The following LINGO2 variants were observed in gnomAD, a reference collection of about 807,000 sequenced individuals.
LINGO2 encodes the protein leucine-rich repeat and immunoglobulin-like domain-containing nogo receptor-interacting protein 2.
A neutral mutation model predicts 30.6 loss-of-function variants in LINGO2; 14 were observed. The ratio of observed to expected loss-of-function variants is 0.46; its 90% CI spans 0.30 to 0.72. The LOEUF is 0.72. Ranked by LOEUF, LINGO2 falls within the 30% of genes least tolerant of loss-of-function variation. The pLI, the probability that LINGO2 is intolerant of heterozygous loss-of-function variation, is 0.07. For missense variants in LINGO2, 729 were observed against 751.7 expected (o/e 0.97, Z 0.35); for synonymous variants, 317 against 288.5 (o/e 1.10, Z -1.00).
In LINGO2 at chr9:28,274,052, T is replaced by C. The variant is rs537784835; in HGVS notation, c.-87+21156A>G. ...CCAGAAGAAGAGAAGATGGGGAGAA[T>C]TGGATATATTTGAGAGCTAAAATGG... On this transcript the variant is annotated intron_variant, in intron 4 of 5. Coordinates refer to ENST00000379992, the Ensembl canonical transcript of LINGO2. 2.3e-4 allele frequency among the ~76,000 whole-genome samples: 35 copies of C among 152,218 alleles called. No individual in the cohort carries two copies. In the East Asian group the frequency reaches 2.7e-3, roughly 12 times the overall value.
intron 4 of LINGO2, among the ~76,000 whole-genome samples, chr9:28,199,542 G>A (rs1820151248): frequency 6.6e-6 from 1 of 152,062 alleles, no homozygotes; most frequent in Admixed American, 6.6e-5. Context: ...GTTTCACCGT[G>A]TTAGCCAGGA....
intron 4 of LINGO2, among the ~76,000 whole-genome samples, chr9:28,087,775 T>C (rs1329610500): frequency 6.6e-6 from 1 of 152,040 alleles, no homozygotes; most frequent in African/African-American, 2.4e-5. Flanking sequence ...AGCATTTCAT[T>C]GGTACATATT....
the LINGO2 span, among the ~76,000 whole-genome samples, chr9:29,047,142 T>C: frequency 6.6e-6 from 1 of 151,428 alleles, no homozygotes; most frequent in East Asian, 1.9e-4. Context: ...TAGCAACCTA[T>C]GCATCCCCTA....
chr9:29,071,482 CATATAT>C, the LINGO2 span, among the ~76,000 whole-genome samples: 2,448 of 120,808 alleles, frequency 0.02, 24 homozygotes, highest in South Asian at 0.034. Flanking sequence ...ATTAACTGGT[CATATAT>C]ATATATATAT....
intron 1 of LINGO2, among the ~76,000 whole-genome samples, chr9:28,626,097 C>T (rs7861296): frequency 0.093 from 14,201 of 152,124 alleles, 873 homozygotes; most frequent in East Asian, 0.19. Context: ...TATTCTCATT[C>T]TTTTAAATTG....
intron 3 of LINGO2, among the ~76,000 whole-genome samples, chr9:28,359,338 T>C (rs1364158351): frequency 6.6e-6 from 1 of 152,118 alleles, no homozygotes; most frequent in Non-Finnish European, 1.5e-5. Flanking sequence ...GACTCTCTAC[T>C]TCTATACAGC....
the LINGO2 span, among the ~76,000 whole-genome samples, chr9:28,892,864 TA>T: frequency 4.8e-4 from 73 of 152,106 alleles, 1 homozygote; most frequent in African/African-American, 1.7e-3. Context: ...AAACTTAAAT[TA>T]TTTTTTTAGA....
intron 1 of LINGO2, among the ~76,000 whole-genome samples, chr9:28,656,940 C>T (rs772272464): frequency 3.9e-5 from 6 of 152,038 alleles, no homozygotes; most frequent in East Asian, 3.8e-4. Flanking sequence ...AATAACTCTG[C>T]GGATAGATCA....
At chr9:28,694,759 A>T in the LINGO2 span, among the ~76,000 whole-genome samples, 3 of 151,966 alleles carry the variant, frequency 2.0e-5, no homozygotes. Context: ...CACTGAATTA[A>T]TTGTGTGGGG....
At chr9:28,801,450 C>T in the LINGO2 span, among the ~76,000 whole-genome samples, 6 of 152,116 alleles carry the variant, frequency 3.9e-5, no homozygotes, top group East Asian at 1.2e-3. Flanking sequence ...AGTCTCTACT[C>T]ATTTCTATCA....
intron 4 of LINGO2, among the ~76,000 whole-genome samples, chr9:28,071,206 T>A (rs1825465349): frequency 6.6e-6 from 1 of 152,164 alleles, no homozygotes; most frequent in Non-Finnish European, 1.5e-5. Context: ...GCCTTGGGGT[T>A]GAGGTGGGGC....
rs544879352 is a variant in LINGO2, at chr9:28,422,953, T to C, written c.-278-50085A>G. 3.3e-5 allele frequency among the ~76,000 whole-genome samples: 5 copies of C among 152,162 alleles called. No homozygotes were observed. In the South Asian group the frequency reaches 1.0e-3, roughly 32 times the overall value. On this transcript the variant is annotated intron_variant, in intron 2 of 5. Transcript: ENST00000379992. Reference sequence around the variant, plus strand: ...AGGACAAATACCTTATAATTCCACTTATTATCAGGTACCTAGAATAGTCAA... The same window carrying C: ...AGGACAAATACCTTATAATTCCACTCATTATCAGGTACCTAGAATAGTCAA...
rs542760803 is a variant in LINGO2 at position 28,146,648 on chromosome 9, A to G, written c.-86-134243T>C. ...CCAATAACAAGATGTAGAGTGCCCAAATGGTTTTTCATACATGTTTCCCTA... is the reference window on the plus strand; with the variant it reads ...CCAATAACAAGATGTAGAGTGCCCAGATGGTTTTTCATACATGTTTCCCTA... On this transcript the variant is annotated intron_variant, in intron 4 of 5. Transcript: ENST00000379992. 4.5e-4 allele frequency among the ~76,000 whole-genome samples: 68 copies of G among 152,238 alleles called. 1 individual carries two copies. The highest frequency in any genetic ancestry group is 1.6e-3 in the African/African-American group (65 of 41,552).
At chr9:28,654,425 G>C (rs563588625) in intron 1 of LINGO2, among the ~76,000 whole-genome samples, 1 of 151,852 alleles carries the variant, frequency 6.6e-6, no homozygotes, top group African/African-American at 2.4e-5. Flanking sequence ...ATAAGTTTAG[G>C]GTATTTATTT....
At chr9:28,359,104 C>T (rs1031352918) in intron 3 of LINGO2, among the ~76,000 whole-genome samples, 2 of 152,138 alleles carry the variant, frequency 1.3e-5, no homozygotes, top group Non-Finnish European at 2.9e-5. Flanking sequence ...ACCCAAACTT[C>T]TACTTACAAA....
chr9:28,378,851 T>C (rs1821230253), intron 2 of LINGO2, among the ~76,000 whole-genome samples: 1 of 152,158 alleles, frequency 6.6e-6, no homozygotes, highest in Non-Finnish European at 1.5e-5. Context: ...CCTCAGTTTC[T>C]AGACATCAAT....
rs1823989329 is a variant in LINGO2 at position 28,037,389 on chromosome 9, A to AC, written c.-86-24985dup. On this transcript the variant is annotated intron_variant, in intron 4 of 5. Coordinates refer to ENST00000379992, the Ensembl canonical transcript of LINGO2. The stretch of plus-strand genomic sequence containing the variant: ...TATTTCAGAACTTTTCACACTATTT[A>AC]CCTTGCCTTGATCTTTTCCTGCTCG... Among the ~76,000 whole-genome samples, 3 of 152,072 alleles carry AC rather than the reference A, an allele frequency of 2.0e-5. No individual in the cohort carries two copies. In the South Asian group the frequency reaches 6.2e-4, roughly 32 times the overall value.
At chr9:28,771,951 T>C in the LINGO2 span, among the ~76,000 whole-genome samples, 1 of 152,162 alleles carries the variant, frequency 6.6e-6, no homozygotes, top group Non-Finnish European at 1.5e-5. Context: ...TCTACACTCA[T>C]GGAATAACTG....
the LINGO2 span, among the ~76,000 whole-genome samples, chr9:28,692,378 G>A: frequency 6.6e-6 from 1 of 152,110 alleles, no homozygotes; most frequent in Non-Finnish European, 1.5e-5. Context: ...AGGAGGCTGA[G>A]GCAGGAGAGT....
Sources: gnomAD v4.1 joint callset for allele counts (sites outside exome capture counted in the v4.1 genomes callset) on GRCh38, gnomAD v4.1.1 for gene constraint, MANE v1.5 for transcripts, NCBI Gene and HGNC (gene_info 2026-07-23, HGNC 2026-07-21) for gene names.